The following GATAD1 variants were observed in gnomAD, a reference collection of about 807,000 sequenced individuals.
The protein encoded by GATAD1 is GATA zinc finger domain containing 1, also known as GATA zinc finger domain-containing protein 1.
In GATAD1, 12 loss-of-function variants were observed where a neutral mutation model predicts 26.5. That is an observed-to-expected ratio of 0.45 (90% confidence interval 0.29 to 0.73). The LOEUF (loss-of-function observed/expected upper bound fraction) is 0.73, where lower values mean the gene tolerates loss of function less well. GATAD1 is among the 30% of genes least tolerant of loss of function. GATAD1 has a pLI of 0.10. For missense variants in GATAD1, 266 were observed against 342.1 expected, an observed-to-expected ratio of 0.78 and a Z score of 1.75; for synonymous variants, 129 against 133.1, an observed-to-expected ratio of 0.97 and a Z score of 0.21.
At chr7:92,448,689 C>T (rs949956812) in intron 1 of GATAD1, 63 bp from the exon 2 acceptor site, 1 of 1,308,528 alleles carries the variant, frequency 7.6e-7, no homozygotes, top group Non-Finnish European at 1.1e-6. Flanking sequence ...GATGATTGTA[C>T]TGCAACCTTT....
chr7:92,489,330 AT>A, the GATAD1 span: 2 of 1,613,488 alleles, frequency 1.2e-6, no homozygotes, highest in Non-Finnish European at 1.7e-6. Flanking sequence ...TCACTAATGG[AT>A]GGTCTTGTGT....
At chr7:92,460,408 G>A (rs942807142), downstream of GATAD1, among the ~76,000 whole-genome samples, 2 of 152,130 alleles carry the variant, frequency 1.3e-5, no homozygotes, top group Non-Finnish European at 2.9e-5. Context: ...ATATAAGCCA[G>A]GAGAAGGTCT....
At chr7:92,450,814 C>T in intron 3 of GATAD1, 54 bp downstream of exon 3, 1 of 1,077,260 alleles carries the variant, frequency 9.3e-7, no homozygotes, top group South Asian at 1.3e-5. Flanking sequence ...GGTAATGTGC[C>T]ACTAAAATGT....
At chr7:92,463,718 C>G (rs1790007245), downstream of GATAD1, among the ~76,000 whole-genome samples, 1 of 149,530 alleles carries the variant, frequency 6.7e-6, no homozygotes, top group Admixed American at 6.7e-5. Context: ...CCTGTAATTT[C>G]AGCACTTTGG....
At chr7:92,452,358 A>G (rs1214766224) in intron 3 of GATAD1, among the ~76,000 whole-genome samples, 1 of 152,246 alleles carries the variant, frequency 6.6e-6, no homozygotes, top group Non-Finnish European at 1.5e-5. Context: ...TGGCTATCAC[A>G]GCAGTGCCAC....
the GATAD1 span, chr7:92,470,468 C>T: frequency 5.0e-6 from 3 of 605,958 alleles, no homozygotes; most frequent in East Asian, 8.3e-5. Context: ...GAATAGCTAG[C>T]GTTGTCTCCT....
At chr7:92,465,028 A>G (rs1223410884), downstream of GATAD1, 3 of 152,196 alleles carry the variant, frequency 2.0e-5, no homozygotes, top group East Asian at 1.9e-4. Context: ...AAAGAAAACA[A>G]TTTTTCAAAG....
chr7:92,490,694 TATAG>T, the GATAD1 span, among the ~76,000 whole-genome samples: 1 of 137,570 alleles, frequency 7.3e-6, no homozygotes, highest in Non-Finnish European at 1.6e-5. Flanking sequence ...CCAGGAAACA[TATAG>T]ATAACCAAAC....
rs1355979145 is a variant in GATAD1 at position 92,459,635 on chromosome 7, CT to C, written c.*3076del. On this transcript the variant is annotated 3_prime_UTR_variant, in exon 5 of 5. Transcript: ENST00000287957. The stretch of plus-strand genomic sequence containing the variant: ...CTTTCTTAACACCTTCGGATTCTTT[CT>C]TTGAGAACTTTCCAGATTCCCATGC... 6.6e-6 allele frequency among the ~76,000 whole-genome samples: 1 copy of C among 152,210 alleles called. No homozygotes were observed. Among genetic ancestry groups the C allele is most frequent in the Admixed American group, 6.5e-5 (1 of 15,284 alleles).
At chr7:92,489,175 A>C in the GATAD1 span, 1 of 948,754 alleles carries the variant, frequency 1.1e-6, no homozygotes, top group African/African-American at 1.6e-5. Flanking sequence ...ATATTTTTTG[A>C]ATTAGCTTTT....
the GATAD1 span, chr7:92,491,305 T>G: frequency 2.5e-6 from 4 of 1,613,412 alleles, no homozygotes; most frequent in Non-Finnish European, 3.4e-6. Context: ...CAAGTTCTGA[T>G]TCATAAGAGC....
At chr7:92,487,277 T>C in the GATAD1 span, 8 of 437,352 alleles carry the variant, frequency 1.8e-5, no homozygotes, top group East Asian at 2.4e-4. Flanking sequence ...CAATTTATAC[T>C]ACAGTATTAA....
the GATAD1 span, chr7:92,489,986 A>C: frequency 8.9e-7 from 1 of 1,127,812 alleles, no homozygotes; most frequent in Non-Finnish European, 1.3e-6. Flanking sequence ...ACCAAATATA[A>C]AAATTAAACA....
At chr7:92,490,147 G>GT in the GATAD1 span, 24 of 533,254 alleles carry the variant, frequency 4.5e-5, no homozygotes, top group Middle Eastern at 2.0e-3. Flanking sequence ...CACAGGGTAG[G>GT]TTTTTTTAAC....
chr7:92,472,328 TCTTCCCTGTATTATTTTAACTG>T, the GATAD1 span: 1 of 152,184 alleles, frequency 6.6e-6, no homozygotes, highest in Non-Finnish European at 1.5e-5. Context: ...CAGTAAGATC[TCTTCCCTGTATTATTTTAACTG>T]CTTCAGATAC....
At chr7:92,450,959 A>G (rs192671152) in intron 3 of GATAD1, among the ~76,000 whole-genome samples, 199 bp downstream of exon 3, 18 of 152,358 alleles carry the variant, frequency 1.2e-4, no homozygotes, top group African/African-American at 3.8e-4. Context: ...TGGGAGGAGA[A>G]AGTGCCTACT....
Position 92,455,714 on chromosome 7 carries a change from C to A in GATAD1, c.620-658C>A, listed in dbSNP as rs1033527934. The stretch of plus-strand genomic sequence containing the variant: ...GAGAACTCCAGGGACAAATAATATA[C>A]CACTGTTATTCTCACCTATATGTCA... On this transcript the variant is annotated intron_variant, in intron 4 of 4. Transcript: ENST00000287957. Among the ~76,000 whole-genome samples, 3 of 152,146 alleles carry A rather than the reference C, an allele frequency of 2.0e-5. No individual in the cohort carries two copies. The East Asian group carries it at 5.8e-4, about 29-fold the overall frequency.
At chr7:92,470,403 CT>C in the GATAD1 span, 1 of 675,508 alleles carries the variant, frequency 1.5e-6, no homozygotes, top group Non-Finnish European at 2.7e-6. Context: ...ATTTTAGTTA[CT>C]TTCCTCCTGG....
chr7:92,495,470 T>C, the GATAD1 span, among the ~76,000 whole-genome samples: 1 of 152,326 alleles, frequency 6.6e-6, no homozygotes, highest in South Asian at 2.1e-4. Context: ...TAAAGACTTC[T>C]TTAACTTTTC....
Sources: allele counts gnomAD v4.1 joint callset (sites outside exome capture counted in the v4.1 genomes callset), GRCh38; gene constraint gnomAD v4.1.1; transcripts MANE v1.5; gene names NCBI Gene and HGNC (gene_info 2026-07-23, HGNC 2026-07-21).